Variants in PHKB observed in about 807,000 individuals in gnomAD.
The protein encoded by PHKB is phosphorylase kinase regulatory subunit beta.
A neutral mutation model predicts 152.1 loss-of-function variants in PHKB; 122 were observed. The ratio of observed to expected loss-of-function variants is 0.80; its 90% CI spans 0.69 to 0.93. The LOEUF is 0.93. Ranked by LOEUF, PHKB falls within the 40% of genes least tolerant of loss-of-function variation. The pLI is 0.00. For missense variants in PHKB, 1,304 were observed against 1,328.4 expected (o/e 0.98, Z 0.29); for synonymous variants, 436 against 464.9 (o/e 0.94, Z 0.80).
intron 1 of PHKB, among the ~76,000 whole-genome samples, chr16:47,478,107 A>G (rs1157097508): frequency 2.0e-5 from 3 of 152,206 alleles, no homozygotes; most frequent in Non-Finnish European, 4.4e-5. Context: ...ATAGTGCTAA[A>G]TAATGCACTA....
At chr16:47,596,331 C>A in intron 12 of PHKB, 42 bp from the exon 13 acceptor site, 1 of 1,364,190 alleles carries the variant, frequency 7.3e-7, no homozygotes, top group Non-Finnish European at 1.0e-6. Context: ...TGGACTAATA[C>A]AGATTTGTTA....
chr16:47,613,120 T>A (rs564989145), intron 14 of PHKB, among the ~76,000 whole-genome samples: 4 of 152,282 alleles, frequency 2.6e-5, no homozygotes, highest in South Asian at 4.1e-4. Context: ...AGAAGGTATG[T>A]CAGGGATCCC....
At chr16:47,537,893 TCTCTCTCTC>T (rs1970980084) in intron 6 of PHKB, among the ~76,000 whole-genome samples, 1 of 149,812 alleles carries the variant, frequency 6.7e-6, no homozygotes, top group Non-Finnish European at 1.5e-5. Flanking sequence ...TCTCTCTCTC[TCTCTCTCTC>T]TTTTTAAGTT....
At chr16:47,645,616 G>T (rs1178944043) in intron 16 of PHKB, among the ~76,000 whole-genome samples, 8 of 150,298 alleles carry the variant, frequency 5.3e-5, no homozygotes, top group Non-Finnish European at 1.2e-4. Flanking sequence ...GGTTACTGTA[G>T]CCTTGTAGTA....
At chr16:47,553,517 C>T (rs1475970633) in intron 7 of PHKB, among the ~76,000 whole-genome samples, 1 of 152,084 alleles carries the variant, frequency 6.6e-6, no homozygotes, top group Non-Finnish European at 1.5e-5. Flanking sequence ...TTATTACCCA[C>T]CTTCTGAAGC....
intron 5 of PHKB, 66 bp downstream of exon 5, chr16:47,511,838 T>A: frequency 1.9e-6 from 2 of 1,072,784 alleles, no homozygotes; most frequent in Non-Finnish European, 2.9e-6. Context: ...TCCCCAACCT[T>A]TTTGGCACCA....
chr16:47,542,139 T>C (rs181721859), intron 6 of PHKB, among the ~76,000 whole-genome samples: 5 of 152,344 alleles, frequency 3.3e-5, no homozygotes, highest in Non-Finnish European at 7.3e-5. Context: ...GGTCTTATAT[T>C]TAAGTCTTTA....
At chr16:47,568,921 G>A (rs190603471) in intron 7 of PHKB, among the ~76,000 whole-genome samples, 30 of 152,252 alleles carry the variant, frequency 2.0e-4, no homozygotes, top group East Asian at 7.7e-4. Context: ...AATTTATTGC[G>A]ATTTGTGTTG....
intron 14 of PHKB, among the ~76,000 whole-genome samples, chr16:47,630,974 T>C (rs771817424): frequency 6.6e-6 from 1 of 152,098 alleles, no homozygotes; most frequent in Non-Finnish European, 1.5e-5. Flanking sequence ...CAGACTGGAA[T>C]GACACTGTCT....
At chr16:47,577,052 AT>A (rs1971761475) in intron 7 of PHKB, among the ~76,000 whole-genome samples, 1 of 151,528 alleles carries the variant, frequency 6.6e-6, no homozygotes, top group Non-Finnish European at 1.5e-5. Flanking sequence ...AGCTGATGCC[AT>A]TTTATTGATT....
At chr16:47,616,037 CT>C (rs1972508557) in intron 14 of PHKB, among the ~76,000 whole-genome samples, 1 of 151,982 alleles carries the variant, frequency 6.6e-6, no homozygotes, top group Non-Finnish European at 1.5e-5. Flanking sequence ...TTAATTGTTT[CT>C]TTTTATTATT....
chr16:47,644,438 A>G (rs1973080267), intron 16 of PHKB, among the ~76,000 whole-genome samples: 1 of 152,208 alleles, frequency 6.6e-6, no homozygotes, highest in Non-Finnish European at 1.5e-5. Flanking sequence ...GGAATGTACA[A>G]TTCGAAAGGA....
At chr16:47,535,980 A>G (rs941406775) in intron 6 of PHKB, among the ~76,000 whole-genome samples, 9 of 152,238 alleles carry the variant, frequency 5.9e-5, no homozygotes, top group African/African-American at 1.7e-4. Flanking sequence ...GGCTAACAAC[A>G]TTGAGTACAT....
chr16:47,524,913 CACTT>C (rs2151657772), intron 6 of PHKB, among the ~76,000 whole-genome samples: 1 of 152,266 alleles, frequency 6.6e-6, no homozygotes, highest in East Asian at 1.9e-4. Context: ...CTACTTGACT[CACTT>C]ACGATTTTTA....
chr16:47,647,528 C>T (rs1435766670), intron 16 of PHKB, among the ~76,000 whole-genome samples: 1 of 150,202 alleles, frequency 6.7e-6, no homozygotes, highest in Non-Finnish European at 1.5e-5. Flanking sequence ...GACGGAGTCT[C>T]GCTCTGTTGC....
intron 1 of PHKB, among the ~76,000 whole-genome samples, chr16:47,486,641 C>A (rs1484392159): frequency 6.6e-6 from 1 of 152,182 alleles, no homozygotes; most frequent in Non-Finnish European, 1.5e-5. Flanking sequence ...CGTCTGCAAC[C>A]TTTGTGCCCT....
rs1048555878 is a variant in PHKB at position 47,511,879 on chromosome 16, A to C, written c.513+107A>C. Reference sequence around the variant, plus strand: ...TAGTTTTGTGGAAAACAAGTTTTCCACGGATGGGGTAGGGGCTAGATGGTT... The same window carrying C: ...TAGTTTTGTGGAAAACAAGTTTTCCCCGGATGGGGTAGGGGCTAGATGGTT... On this transcript the variant is annotated intron_variant, in intron 5 of 30. Coordinates refer to ENST00000323584, the MANE Select transcript of PHKB (RefSeq NM_000293.3). 5.3e-6 allele frequency: 4 copies of C among 751,342 alleles called. No individual in the cohort carries two copies. In the Admixed American group the frequency reaches 7.6e-5, roughly 14 times the overall value. 46.5% of individuals were successfully genotyped at this position (751,342 alleles called of 1,614,324 possible). A position where few individuals can be genotyped will look rare whatever the true frequency, so the allele number is the denominator to read the frequency against.
At chr16:47,471,930 C>T (rs747320705) in intron 1 of PHKB, among the ~76,000 whole-genome samples, 2 of 152,126 alleles carry the variant, frequency 1.3e-5, no homozygotes, top group Non-Finnish European at 2.9e-5. Context: ...GTGGCGGGCG[C>T]CTGTAGTCCC....
At chr16:47,681,738 T>C (rs902041493) in intron 26 of PHKB, among the ~76,000 whole-genome samples, 5 of 152,192 alleles carry the variant, frequency 3.3e-5, no homozygotes, top group Admixed American at 3.3e-4. Flanking sequence ...TGCCAGTCTG[T>C]GTCTTTTAGT....
Sources: allele counts gnomAD v4.1 joint callset (sites outside exome capture counted in the v4.1 genomes callset), GRCh38; gene constraint gnomAD v4.1.1; transcripts MANE v1.5; gene names NCBI Gene and HGNC (gene_info 2026-07-23, HGNC 2026-07-21).